Variants in RAB2A observed in about 807,000 individuals in gnomAD.
RAB2A encodes RAB2A, member RAS oncogene family.
RAB2A carries 7 observed loss-of-function variants against 32.5 expected under a neutral mutation model. The observed-to-expected ratio is 0.22, with a 90% CI of 0.12 to 0.40. The LOEUF is 0.40. RAB2A is among the 10% of genes least tolerant of loss of function. The pLI is 1.00. For synonymous variants in RAB2A, 79 were observed against 85.2 expected (o/e 0.93, Z 0.40); for missense variants, 108 against 260.7 (o/e 0.41, Z 4.03).
At chr8:60,584,387 G>A (rs894626179) in intron 4 of RAB2A, 97 bp downstream of exon 4, 31 of 1,066,746 alleles carry the variant, frequency 2.9e-5, no homozygotes, top group Non-Finnish European at 4.3e-5. Context: ...TAGCCTTTCT[G>A]CCCCGGCTAC....
At chr8:60,548,545 C>A (rs1489154649) in intron 1 of RAB2A, among the ~76,000 whole-genome samples, 1 of 119,038 alleles carries the variant, frequency 8.4e-6, no homozygotes, top group East Asian at 2.8e-4. Context: ...CCGGACGGGG[C>A]GGCTGGCCGG....
chr8:60,521,778 G>A (rs937065759), intron 1 of RAB2A, among the ~76,000 whole-genome samples: 6 of 152,024 alleles, frequency 3.9e-5, no homozygotes, highest in Admixed American at 1.3e-4. Flanking sequence ...CTGCCCCCAC[G>A]CCCAGCTGAT....
intron 6 of RAB2A, among the ~76,000 whole-genome samples, chr8:60,603,005 G>C (rs1032126879): frequency 6.6e-6 from 1 of 152,142 alleles, no homozygotes; most frequent in Non-Finnish European, 1.5e-5. Flanking sequence ...CATGTGATGG[G>C]TTAAGAATAA....
rs573170390 is a variant in RAB2A at position 60,618,224 on chromosome 8, C to G, written c.475-356C>G. Reference sequence around the variant, plus strand: ...TTTGTTCTTAATCTTAGGGGAAAGGCTTTCAGCCTTCATCTTCGAATATGA... The same window carrying G: ...TTTGTTCTTAATCTTAGGGGAAAGGGTTTCAGCCTTCATCTTCGAATATGA... On this transcript the variant is annotated intron_variant, in intron 6 of 7. Coordinates refer to ENST00000262646, the MANE Select transcript of RAB2A (RefSeq NM_002865.3). 2.6e-5 allele frequency among the ~76,000 whole-genome samples: 4 copies of G among 152,358 alleles called. No homozygotes were observed. In the South Asian group the frequency reaches 8.3e-4, roughly 32 times the overall value.
chr8:60,575,115 T>TTTTC (rs1808252748), intron 3 of RAB2A, among the ~76,000 whole-genome samples: 5 of 145,922 alleles, frequency 3.4e-5, no homozygotes, highest in East Asian at 2.0e-4. Flanking sequence ...TTTTTTGGTT[T>TTTTC]TGAGACAGCG....
At chr8:60,581,136 G>A (rs528559180) in intron 3 of RAB2A, among the ~76,000 whole-genome samples, 3 of 152,148 alleles carry the variant, frequency 2.0e-5, no homozygotes, top group Admixed American at 6.5e-5. Flanking sequence ...TAACAGAGAC[G>A]GCTGCAGTTT....
At chr8:60,572,558 G>A (rs1808212056) in intron 3 of RAB2A, among the ~76,000 whole-genome samples, 1 of 152,098 alleles carries the variant, frequency 6.6e-6, no homozygotes, top group Non-Finnish European at 1.5e-5. Flanking sequence ...TGTTCATTGA[G>A]TACCTATTAC....
At chr8:60,603,059 G>C (rs1291923373) in intron 6 of RAB2A, among the ~76,000 whole-genome samples, 1 of 152,196 alleles carries the variant, frequency 6.6e-6, no homozygotes, top group Admixed American at 6.5e-5. Flanking sequence ...AGTGACAGTG[G>C]TGGTTGGTGT....
At chr8:60,594,317 C>T (rs578035848) in intron 6 of RAB2A, among the ~76,000 whole-genome samples, 95 of 152,056 alleles carry the variant, frequency 6.2e-4, no homozygotes, top group African/African-American at 2.2e-3. Context: ...CACATGATGA[C>T]GAACCTCTGT....
At chr8:60,557,899 C>T (rs2130830129) in intron 1 of RAB2A, among the ~76,000 whole-genome samples, 1 of 152,266 alleles carries the variant, frequency 6.6e-6, no homozygotes, top group Middle Eastern at 3.4e-3. Context: ...TATTTTCTTT[C>T]AAATCAGTCA....
At chr8:60,552,626 TAG>T (rs1484112956) in intron 1 of RAB2A, 1 of 152,230 alleles carries the variant, frequency 6.6e-6, no homozygotes, top group African/African-American at 2.4e-5. Flanking sequence ...GGCCAATTAG[TAG>T]AGTTAGAAAG....
At chr8:60,557,693 G>GT (rs1283997167) in intron 1 of RAB2A, among the ~76,000 whole-genome samples, 1 of 151,724 alleles carries the variant, frequency 6.6e-6, no homozygotes, top group African/African-American at 2.4e-5. Flanking sequence ...AGTCTCTCAA[G>GT]TAACTGGAAC....
chr8:60,583,727 G>A (rs2130848528), intron 3 of RAB2A, among the ~76,000 whole-genome samples: 1 of 152,190 alleles, frequency 6.6e-6, no homozygotes, highest in East Asian at 1.9e-4. Context: ...CAGATGGTGG[G>A]CGTAAAGATG....
intron 1 of RAB2A, among the ~76,000 whole-genome samples, chr8:60,556,698 G>C (rs1365626216): frequency 1.3e-5 from 2 of 148,620 alleles, no homozygotes; most frequent in Non-Finnish European, 3.0e-5. Context: ...TGAAAATGAG[G>C]AACCAAAGAA....
rs545948555 is a variant in RAB2A at position 60,580,998 on chromosome 8, A to T, written c.187-3210A>T. Reference sequence around the variant, plus strand: ...AACCTGATTTTTATTTTGAACTAATAAAATATGTATCTTTTTTGTATTACA... The same window carrying T: ...AACCTGATTTTTATTTTGAACTAATTAAATATGTATCTTTTTTGTATTACA... On this transcript the variant is annotated intron_variant, in intron 3 of 7. Transcript: ENST00000262646. Among the ~76,000 whole-genome samples the T allele has an allele frequency of 1.1e-4, 17 of 152,332 alleles. No homozygotes were observed. In the South Asian group the frequency reaches 3.1e-3, roughly 28 times the overall value.
chr8:60,548,728 A>C (rs1473979371), intron 1 of RAB2A, among the ~76,000 whole-genome samples: 3 of 102,522 alleles, frequency 2.9e-5, no homozygotes, highest in Non-Finnish European at 5.8e-5. Context: ...GGGCAGAGGC[A>C]CCCCTCACCT....
intron 1 of RAB2A, among the ~76,000 whole-genome samples, chr8:60,517,849 T>A (rs1032001326): frequency 6.6e-6 from 1 of 152,110 alleles, no homozygotes; most frequent in Non-Finnish European, 1.5e-5. Context: ...AACTCTCACG[T>A]CAGAATAAGT....
At chr8:60,545,966 C>T (rs1346088799) in intron 1 of RAB2A, among the ~76,000 whole-genome samples, 1 of 152,008 alleles carries the variant, frequency 6.6e-6, no homozygotes, top group Non-Finnish European at 1.5e-5. Flanking sequence ...ATTCTAGGTG[C>T]TTTGGAGGAT....
At chr8:60,570,690 T>C (rs1808185703) in intron 2 of RAB2A, among the ~76,000 whole-genome samples, 1 of 152,222 alleles carries the variant, frequency 6.6e-6, no homozygotes, top group African/African-American at 2.4e-5. Flanking sequence ...TCTCTAGCTT[T>C]CCTGTATTTC....
Sources: allele counts gnomAD v4.1 joint callset (sites outside exome capture counted in the v4.1 genomes callset), GRCh38; gene constraint gnomAD v4.1.1; transcripts MANE v1.5; gene names NCBI Gene and HGNC (gene_info 2026-07-23, HGNC 2026-07-21).